The following SETD2 variants were observed in gnomAD, a reference collection of about 807,000 sequenced individuals.
SETD2 encodes the protein SET domain containing 2, histone lysine methyltransferase.
Under a neutral mutation model 242.1 loss-of-function variants are expected in SETD2, and 31 were observed. The ratio of observed to expected loss-of-function variants is 0.13; its 90% confidence interval spans 0.10 to 0.17. SETD2 has a LOEUF of 0.17. Ranked by LOEUF, SETD2 falls within the 10% of genes least tolerant of loss-of-function variation. SETD2 has a pLI of 1.00. For missense variants in SETD2, 2,481 were observed against 3,046.3 expected (o/e 0.81, Z 4.37); for synonymous variants, 1,006 against 1,066.5 (o/e 0.94, Z 1.11).
At chr3:47,037,820 CAG>C (rs1328704829) in intron 17 of SETD2, 43 bp from the exon 18 acceptor site, 11 of 1,379,432 alleles carry the variant, frequency 8.0e-6, no homozygotes, top group Middle Eastern at 1.8e-4. Context: ...GGCTAGGAAA[CAG>C]AGAATCCTGA....
At chr3:47,044,161 T>A (rs900735785) in intron 16 of SETD2, among the ~76,000 whole-genome samples, 4 of 151,420 alleles carry the variant, frequency 2.6e-5, no homozygotes, top group African/African-American at 4.9e-5. Flanking sequence ...GCCAACATAG[T>A]GAAACCCTGT....
rs535654823 is a variant in SETD2, at chr3:47,072,266, C to T, written c.6061-5148G>A. On this transcript the variant is annotated intron_variant, in intron 12 of 20. Coordinates refer to ENST00000409792, the MANE Select transcript of SETD2 (RefSeq NM_014159.7). ...GAGCTTGCAGTGAGCTGAGATCACG[C>T]CACTGCACTTCAGCCTGGGCGACAG... Among the ~76,000 whole-genome samples the T allele has an allele frequency of 3.9e-5, 6 of 152,116 alleles. No individual in the cohort carries two copies. The South Asian group carries it at 8.3e-4, about 21-fold the overall frequency.
chr3:47,083,978 A>C lies in SETD2; in HGVS notation c.5802T>G (p.Pro1934=), dbSNP rs776691995. 1 of 1,614,142 alleles carries C rather than the reference A, an allele frequency of 6.2e-7. No individual in the cohort carries two copies. The highest frequency in any genetic ancestry group is 8.5e-7 in the Non-Finnish European group (1 of 1,180,040). ...QSQQLLPQQL[P]ECKVDSETNI... is the part of the protein sequence containing the mutation. The stretch of plus-strand genomic sequence containing the variant: ...TGGTTTCACTATCAACTTTGCATTC[A>C]GGCAGCTGTTGTGGGAGTAGCTGTT... The change falls in exon 12 of 21, where the codon CCT becomes CCG. Residue 1934 remains proline (P), a synonymous_variant. Transcript: ENST00000409792.
intron 4 of SETD2, among the ~76,000 whole-genome samples, chr3:47,114,876 CAAAAAAAAAA>C (rs764948151): frequency 3.6e-5 from 2 of 55,078 alleles, no homozygotes; most frequent in Non-Finnish European, 9.0e-5. Flanking sequence ...GAGACTGTCT[CAAAAAAAAAA>C]AAAAAAAAAA....
In SETD2 at chr3:47,150,869, G is replaced by A. The variant is rs6776076; in HGVS notation, c.71+12985C>T. On this transcript the variant is annotated intron_variant, in intron 1 of 20. Transcript: ENST00000409792. ...TGGGAGGTTGAGGCTGCAGTGAGCC[G>A]TGATCGTGCCACTACATTTCAGCCT... 1.0e-2 allele frequency among the ~76,000 whole-genome samples: 1,502 copies of A among 150,392 alleles called. 31 individuals are homozygous for A. The highest frequency in any genetic ancestry group is 0.035 in the African/African-American group (1,440 of 40,914).
At chr3:47,104,234 A>C (rs2042322652) in intron 6 of SETD2, among the ~76,000 whole-genome samples, 1 of 152,194 alleles carries the variant, frequency 6.6e-6, no homozygotes, top group Non-Finnish European at 1.5e-5. Flanking sequence ...AAAAAAAAAA[A>C]AAAAATTTAA....
chr3:47,069,671 C>T (rs923090412), intron 12 of SETD2, among the ~76,000 whole-genome samples: 1 of 152,130 alleles, frequency 6.6e-6, no homozygotes, highest in African/African-American at 2.4e-5. Flanking sequence ...TCTTGATCTG[C>T]TTTTGCCTTT....
At chr3:47,060,115 C>A (rs1167742932) in intron 14 of SETD2, among the ~76,000 whole-genome samples, 1 of 152,132 alleles carries the variant, frequency 6.6e-6, no homozygotes. Context: ...AAAAACCGGG[C>A]ATCGTGGCAC....
At chr3:47,088,964 T>C (rs1486360649) in intron 9 of SETD2, among the ~76,000 whole-genome samples, 1 of 152,126 alleles carries the variant, frequency 6.6e-6, no homozygotes, top group African/African-American at 2.4e-5. Context: ...ACGGCCATGT[T>C]CACTCAATGA....
chr3:47,080,834 C>T (rs1286078442), intron 12 of SETD2: 2 of 986,538 alleles, frequency 2.0e-6, no homozygotes, highest in African/African-American at 1.7e-5. Context: ...GGGATTTTCC[C>T]GGAACGACAT....
chr3:47,054,475 T>C (rs1371665388), intron 15 of SETD2, among the ~76,000 whole-genome samples: 1 of 152,184 alleles, frequency 6.6e-6, no homozygotes, highest in African/African-American at 2.4e-5. Flanking sequence ...ACTGTATCCC[T>C]GATACATATT....
chr3:47,136,677 G>A (rs2106777533), intron 1 of SETD2, among the ~76,000 whole-genome samples: 1 of 152,262 alleles, frequency 6.6e-6, no homozygotes, highest in Non-Finnish European at 1.5e-5. Context: ...ATGGGGGCTG[G>A]GTGCCGTGGC....
In SETD2 at chr3:47,122,281, G is replaced by A. The variant is rs2043129669; in HGVS notation, c.2355C>T (p.Cys785=). 1.9e-6 allele frequency: 3 copies of A among 1,614,108 alleles called. No individual in the cohort carries two copies. Among genetic ancestry groups the A allele is most frequent in the Non-Finnish European group, 2.5e-6 (3 of 1,179,982 alleles). Residue 785 remains cysteine, a synonymous_variant, in exon 3 of 21, where the codon TGC becomes TGT. Transcript: ENST00000409792. ...VKEPVDTRVS[C]CKTKDSDIYC... ...ATATGTCTGAATCTTTGGTTTTGCA[G>A]CAAGAAACCCTCGTATCAACTGGTT...
chr3:47,103,286 T>G (rs1329874224), intron 7 of SETD2, 60 bp downstream of exon 7: 1 of 1,128,236 alleles, frequency 8.9e-7, no homozygotes, highest in African/African-American at 1.5e-5. Context: ...GATCTAAAAT[T>G]AATGGTCAGA....
intron 15 of SETD2, among the ~76,000 whole-genome samples, chr3:47,048,049 T>C (rs1019759128): frequency 1.1e-4 from 17 of 152,140 alleles, no homozygotes; most frequent in Admixed American, 5.2e-4. Context: ...AACTTAACAG[T>C]ATCTGTGTAT....
intron 18 of SETD2, among the ~76,000 whole-genome samples, chr3:47,033,124 C>A (rs1049696997): frequency 6.6e-6 from 1 of 152,174 alleles, no homozygotes; most frequent in African/African-American, 2.4e-5. Flanking sequence ...CCCAACAATG[C>A]CCTTCCAACC....
At position 47,017,767 on chromosome 3, in the gene SETD2, G is replaced by T. The variant is rs1322737945; in HGVS notation, c.7432-28C>A. ...GCAGGCAGAGAAAAGAGAACACGTT[G>T]CTCAACAGTCCAGAGAGGGCAAGGA... On this transcript the variant is annotated intron_variant, in intron 19 of 20. Transcript: ENST00000409792. The surrounding 1 kb of genome is among the most constrained non-coding windows in gnomAD (Gnocchi z 4.8). The T allele has an allele frequency of 9.9e-6, 15 of 1,512,920 alleles. No homozygotes were observed. The East Asian group carries it at 3.2e-4, about 32-fold the overall frequency. 93.7% of individuals were successfully genotyped at this position (1,512,920 alleles called of 1,614,324 possible). A position where few individuals can be genotyped will look rare whatever the true frequency, so the allele number is the denominator to read the frequency against.
chr3:47,136,332 T>A (rs910354335), intron 1 of SETD2, among the ~76,000 whole-genome samples: 1 of 152,154 alleles, frequency 6.6e-6, no homozygotes, highest in Non-Finnish European at 1.5e-5. Flanking sequence ...CTGTCCCTCA[T>A]ACATTCCAAG....
Position 47,056,012 on chromosome 3 carries a change from C to CAAAAAA in SETD2, c.6963+803_6963+808dup, listed in dbSNP as rs1167181294. Among the ~76,000 whole-genome samples the CAAAAAA allele has an allele frequency of 4.3e-4, 17 of 39,556 alleles. 1 individual carries two copies. The highest frequency in any genetic ancestry group is 6.0e-4 in the Non-Finnish European group (15 of 24,992). 26.0% of individuals were successfully genotyped at this position (39,556 alleles called of 152,430 possible). ...TGGGGGACAGAGCGAGACTCCGTCT[C>CAAAAAA]AAAAAAAAAAAAAAAAAAAAAAAAA... On this transcript the variant is annotated intron_variant, in intron 15 of 20. Coordinates refer to ENST00000409792, the MANE Select transcript of SETD2 (RefSeq NM_014159.7).
Sources: gnomAD v4.1 joint callset for allele counts (sites outside exome capture counted in the v4.1 genomes callset) on GRCh38, gnomAD v4.1.1 for gene constraint, Gnocchi (gnomAD v3.1) non-coding constraint, MANE v1.5 for transcripts, NCBI Gene and HGNC (gene_info 2026-07-23, HGNC 2026-07-21) for gene names.